Variants in MANSC1 observed in about 807,000 individuals in gnomAD.
MANSC1 encodes MANSC domain-containing protein 1.
A neutral mutation model predicts 14.1 loss-of-function variants in MANSC1; 13 were observed. The ratio of observed to expected loss-of-function variants is 0.92; its 90% CI spans 0.60 to 1.46. The LOEUF (loss-of-function observed/expected upper bound fraction) is 1.46. MANSC1 is among the 40% of genes most tolerant of loss of function. MANSC1 has a pLI of 0.00. For synonymous variants in MANSC1, 227 were observed against 200.7 expected, an observed-to-expected ratio of 1.13 and a Z score of -1.11; for missense variants, 486 against 511.4, an observed-to-expected ratio of 0.95 and a Z score of 0.48.
chr12:12,345,909 AT>A (rs1321112875), intron 1 of MANSC1, among the ~76,000 whole-genome samples: 3 of 152,252 alleles, frequency 2.0e-5, no homozygotes, highest in African/African-American at 7.2e-5. Flanking sequence ...GGTGAAAGAA[AT>A]CAAAGAGGAG....
chr12:12,344,915 CCATATATATATATATATATATATATA>C lies in MANSC1; in HGVS notation c.-100-1527_-100-1502del, dbSNP rs1359986266. ...ATGTGAGTTAATACTTAATAAACTC[CCATATATATATATATATATATATATA>C]TATATATATATATATATATATATAT... On this transcript the variant is annotated intron_variant, in intron 1 of 3. Transcript: ENST00000535902. 4.6e-3 allele frequency among the ~76,000 whole-genome samples: 139 copies of C among 30,056 alleles called. 3 individuals are homozygous for C. Among genetic ancestry groups the C allele is most frequent in the African/African-American group, 0.015 (137 of 8,936 alleles). The allele number at this position is 30,056 out of a possible 152,430, so 19.7% of individuals were successfully genotyped here.
intron 1 of MANSC1, among the ~76,000 whole-genome samples, chr12:12,344,200 T>C (rs1425073065): frequency 6.6e-6 from 1 of 152,156 alleles, no homozygotes; most frequent in Non-Finnish European, 1.5e-5. Context: ...TGAATTGTTA[T>C]TCTCTTTAAT....
chr12:12,344,474 TC>T (rs1862977956), intron 1 of MANSC1, among the ~76,000 whole-genome samples: 1 of 146,382 alleles, frequency 6.8e-6, no homozygotes, highest in East Asian at 2.1e-4. Context: ...CCAGCCTATA[TC>T]TTTTTTTTTT....
Position 12,330,441 on chromosome 12 carries a change from G to T in MANSC1, c.882C>A (p.Leu294=). Residue 294 remains leucine (L), a synonymous_variant, in exon 4 of 4, where the codon CTC becomes CTA. Transcript: ENST00000535902. ...STVFTRAAAT[L]QAMATTAVLT... The stretch of plus-strand genomic sequence containing the variant: ...GAACTGCTGTTGTAGCCATTGCTTG[G>T]AGTGTAGCCGCAGCCCGTGTAAAAA... 6.2e-7 allele frequency: 1 copy of T among 1,614,230 alleles called. No individual in the cohort carries two copies. The highest frequency in any genetic ancestry group is 1.7e-5 in the Admixed American group (1 of 60,018).
intron 1 of MANSC1, among the ~76,000 whole-genome samples, chr12:12,347,660 A>G (rs1170879606): frequency 1.3e-5 from 2 of 152,252 alleles, no homozygotes; most frequent in Admixed American, 1.3e-4. Context: ...ATCTAACATC[A>G]TATGTCATTA....
In MANSC1 at chr12:12,330,702, T is replaced by C; in HGVS notation, c.621A>G (p.Ser207=). Residue 207 remains serine, a synonymous_variant, in exon 4 of 4, where the codon TCA becomes TCG. Coordinates refer to ENST00000535902, the MANE Select transcript of MANSC1 (RefSeq NM_018050.4). ...AYKEKGHSQS[S]QFSSDQEIAH... ...CTATTTCTTGATCAGAGGAAAATTGTGAACTCTGAGAATGGCCTTTTTCCT... is the reference window on the plus strand; with the variant it reads ...CTATTTCTTGATCAGAGGAAAATTGCGAACTCTGAGAATGGCCTTTTTCCT... 1 of 1,614,228 alleles carries C rather than the reference T, an allele frequency of 6.2e-7. No individual in the cohort carries two copies. The highest frequency in any genetic ancestry group is 1.1e-5 in the South Asian group (1 of 91,090).
At chr12:12,346,440 C>T (rs138649938) in intron 1 of MANSC1, among the ~76,000 whole-genome samples, 101 of 152,258 alleles carry the variant, frequency 6.6e-4, no homozygotes, top group Middle Eastern at 6.8e-3. Flanking sequence ...AGTTGGAAGA[C>T]TGATACTACC....
rs11054814 is a variant in MANSC1, at chr12:12,327,426, T to C, written c.*2601A>G. 0.13 allele frequency: 19,634 copies of C among 152,184 alleles called. 1,411 individuals are homozygous for C. Among genetic ancestry groups the C allele is most frequent in the East Asian group, 0.24 (1,231 of 5,154 alleles). The allele number at this position is 152,184 out of a possible 1,614,324, so 9.4% of individuals were successfully genotyped here. A position where few individuals can be genotyped will look rare whatever the true frequency, so the allele number is the denominator to read the frequency against. ...CACTCCAGATGTCCCCTACAACCTA[T>C]ATCCTCACGGCCACTAACAGTTTGG... On this transcript the variant is annotated 3_prime_UTR_variant, in exon 4 of 4. Transcript: ENST00000535902.
chr12:12,337,689 T>G (rs749754368), intron 3 of MANSC1, among the ~76,000 whole-genome samples: 1 of 152,206 alleles, frequency 6.6e-6, no homozygotes, highest in African/African-American at 2.4e-5. Flanking sequence ...TTTTCACCTT[T>G]TTTATATGGA....
Position 12,328,024 on chromosome 12 carries a change from C to A in MANSC1, c.*2003G>T, listed in dbSNP as rs1184725308. ...AGTGCTCACTGTATTAAGTTCGCAT[C>A]TGAATTCCATTTTTATCTTTAAAAA... On this transcript the variant is annotated 3_prime_UTR_variant, in exon 4 of 4. Transcript: ENST00000535902. 1 of 152,164 alleles carries A rather than the reference C, an allele frequency of 6.6e-6. No homozygotes were observed. 9.4% of individuals were successfully genotyped at this position (152,164 alleles called of 1,614,324 possible). A position where few individuals can be genotyped will look rare whatever the true frequency, so the allele number is the denominator to read the frequency against.
intron 2 of MANSC1, among the ~76,000 whole-genome samples, chr12:12,342,737 G>C (rs182030325): frequency 2.0e-5 from 3 of 152,008 alleles, no homozygotes; most frequent in East Asian, 1.9e-4. Context: ...CCTTTTCTCT[G>C]TTTACATTTT....
chr12:12,332,118 T>C (rs536992051), intron 3 of MANSC1, among the ~76,000 whole-genome samples: 6 of 152,320 alleles, frequency 3.9e-5, no homozygotes, highest in African/African-American at 1.4e-4. Flanking sequence ...GTGCAGGGAA[T>C]GACCAGGTGA....
At chr12:12,340,427 G>A (rs920893430) in intron 2 of MANSC1, among the ~76,000 whole-genome samples, 1 of 152,160 alleles carries the variant, frequency 6.6e-6, no homozygotes, top group African/African-American at 2.4e-5. Context: ...ATAATAACAG[G>A]AGTACTCCTG....
In MANSC1 at chr12:12,343,427, T is replaced by C; in HGVS notation, c.-100-13A>G. On this transcript the variant is annotated splice_polypyrimidine_tract_variant and intron_variant, in intron 1 of 3. Transcript: ENST00000535902. ...ATGAGATTTCTCTCTAGAACAAAAA[T>C]GGAAAATCATCAATGAGTTTTGTTT... is the stretch of plus-strand genomic sequence containing the variant. 2 of 650,028 alleles carry C rather than the reference T, an allele frequency of 3.1e-6. No individual in the cohort carries two copies. The allele number at this position is 650,028 out of a possible 1,614,324, so 40.3% of individuals were successfully genotyped here.
At chr12:12,347,271 C>A (rs1405158510) in intron 1 of MANSC1, among the ~76,000 whole-genome samples, 2 of 152,170 alleles carry the variant, frequency 1.3e-5, no homozygotes, top group Non-Finnish European at 2.9e-5. Context: ...AGTGACAGAT[C>A]ATCAGGCATT....
intron 1 of MANSC1, among the ~76,000 whole-genome samples, chr12:12,349,432 G>A (rs1003722087): frequency 2.6e-5 from 4 of 152,186 alleles, no homozygotes; most frequent in African/African-American, 9.7e-5. Context: ...GTGTTTAAGA[G>A]TTTTATATCA....
chr12:12,343,455 T>A, intron 1 of MANSC1, 41 bp from the exon 2 acceptor site: 3 of 592,284 alleles, frequency 5.1e-6, no homozygotes, highest in East Asian at 5.6e-5. Flanking sequence ...TTTTGTTTCT[T>A]TAACAAACAA....
Position 12,330,096 on chromosome 12 carries a change from C to T in MANSC1, c.1227G>A (p.Ser409=), listed in dbSNP as rs75750739. Residue 409 remains serine (S), a synonymous_variant, in exon 4 of 4, where the codon TCG becomes TCA. Transcript: ENST00000535902. The part of the protein sequence containing the change: ...IGLVLLGRIL[S]ESLRRKRYSR... The stretch of plus-strand genomic sequence containing the variant: ...AGTAACGTTTCCTGCGGAGTGATTC[C>T]GAGAGGATTCTACCCAGGAGGACGA... 13,049 of 1,614,056 alleles carry T rather than the reference C, an allele frequency of 8.1e-3. 64 individuals are homozygous for T. The highest frequency in any genetic ancestry group is 9.6e-3 in the Non-Finnish European group (11,387 of 1,180,012).
intron 2 of MANSC1, 62 bp from the exon 3 acceptor site, chr12:12,338,622 T>C (rs1592033301): frequency 6.6e-7 from 1 of 1,513,688 alleles, no homozygotes; most frequent in South Asian, 1.2e-5. Context: ...GTAGGGCAAG[T>C]AGGAAAAACT....
Sources: gnomAD v4.1 joint callset for allele counts (sites outside exome capture counted in the v4.1 genomes callset) on GRCh38, gnomAD v4.1.1 for gene constraint, MANE v1.5 for transcripts, NCBI Gene and HGNC (gene_info 2026-07-23, HGNC 2026-07-21) for gene names.